Variants in NEB observed in about 807,000 individuals in gnomAD.
The protein encoded by NEB is nemaline myopathy type 2.
In NEB, 512 loss-of-function variants were observed where a neutral mutation model predicts 952.2. That is an observed-to-expected ratio of 0.54 (90% CI 0.50 to 0.58). The LOEUF is 0.58. Among genes scored for constraint, NEB ranks in the 20% least tolerant of loss-of-function variants. The probability of loss-of-function intolerance (pLI) is 0.00; values close to 1 mark genes in which losing one functional copy is unlikely to be tolerated. For synonymous variants in NEB, 2,900 were observed against 3,149.8 expected, an observed-to-expected ratio of 0.92 and a Z score of 2.66; for missense variants, 8,428 against 9,231.1, an observed-to-expected ratio of 0.91 and a Z score of 3.56.
intron 156 of NEB, 137 bp downstream of exon 156, chr2:151,518,181 C>A: frequency 1.4e-6 from 1 of 706,450 alleles, no homozygotes. Flanking sequence ...GAATTTGTTT[C>A]AAAAAGTTAC....
rs77385846 is a variant in NEB at position 151,695,965 on chromosome 2, G to A, written c.1570-283C>T. ...CCCTGCAGGTTCTGAGAGGGGCCCCGCCCTGTCTCTCTTGTCACTGTCAGT... is the reference window on the plus strand; with the variant it reads ...CCCTGCAGGTTCTGAGAGGGGCCCCACCCTGTCTCTCTTGTCACTGTCAGT... On this transcript the variant is annotated intron_variant, in intron 17 of 181. Coordinates refer to ENST00000397345, the MANE Select transcript of NEB (RefSeq NM_001164508.2). Among the ~76,000 whole-genome samples, 47 of 152,266 alleles carry A rather than the reference G, an allele frequency of 3.1e-4. No homozygotes were observed. In the East Asian group the frequency reaches 4.6e-3, roughly 15 times the overall value.
chr2:151,571,553 CT>C (rs1395985151), intron 107 of NEB, among the ~76,000 whole-genome samples: 1 of 151,368 alleles, frequency 6.6e-6, no homozygotes, highest in African/African-American at 2.4e-5. Flanking sequence ...TTCAATATGG[CT>C]TTTTTGATCT....
intron 135 of NEB, among the ~76,000 whole-genome samples, chr2:151,542,783 A>C (rs1011551241): frequency 6.6e-6 from 1 of 152,172 alleles, no homozygotes; most frequent in African/African-American, 2.4e-5. Context: ...ATATTTTCTT[A>C]ATGCTCAAAT....
At chr2:151,623,364 T>A (rs537127403) in intron 71 of NEB, among the ~76,000 whole-genome samples, 4 of 152,276 alleles carry the variant, frequency 2.6e-5, no homozygotes, top group African/African-American at 9.6e-5. Context: ...CTCTACTTTA[T>A]ACTGTTCAGT....
intron 54 of NEB, among the ~76,000 whole-genome samples, chr2:151,648,766 G>C (rs975503789): frequency 6.6e-6 from 1 of 152,194 alleles, no homozygotes; most frequent in Non-Finnish European, 1.5e-5. Flanking sequence ...AATTGCTTCT[G>C]GTTGAAAGTC....
chr2:151,654,775 G>A (rs1209757933), intron 51 of NEB, among the ~76,000 whole-genome samples: 1 of 152,154 alleles, frequency 6.6e-6, no homozygotes, highest in Non-Finnish European at 1.5e-5. Flanking sequence ...AGGTAATTGA[G>A]TTACCCAGTA....
chr2:151,535,911 T>C, intron 141 of NEB, 116 bp from the exon 142 acceptor site: 1 of 624,592 alleles, frequency 1.6e-6, no homozygotes, highest in Non-Finnish European at 2.7e-6. Context: ...TAACACATAT[T>C]CGTTTGTTTG....
intron 107 of NEB, among the ~76,000 whole-genome samples, chr2:151,573,601 A>G (rs188977183): frequency 6.6e-6 from 1 of 152,352 alleles, no homozygotes; most frequent in East Asian, 1.9e-4. Flanking sequence ...TTATACCAGA[A>G]CTTATAGAGC....
intron 54 of NEB, among the ~76,000 whole-genome samples, chr2:151,646,968 T>C (rs192691122): frequency 2.0e-5 from 3 of 151,884 alleles, no homozygotes; most frequent in Admixed American, 1.3e-4. Context: ...TGCCTCATAA[T>C]CATTGTGAAG....
chr2:151,546,256 A>G, intron 134 of NEB, 89 bp downstream of exon 134: 1 of 1,029,788 alleles, frequency 9.7e-7, no homozygotes, highest in Non-Finnish European at 1.5e-6. Context: ...GCTGCAGGCT[A>G]AGATCCCTTC....
intron 159 of NEB, 144 bp from the exon 160 acceptor site, chr2:151,513,837 C>T (rs370002963): frequency 2.3e-4 from 148 of 651,616 alleles, no homozygotes; most frequent in Non-Finnish European, 3.7e-4. Flanking sequence ...TTCGCTCTTC[C>T]GTGTGGTAGG....
intron 71 of NEB, among the ~76,000 whole-genome samples, chr2:151,622,027 T>G (rs929088143): frequency 2.0e-5 from 3 of 152,184 alleles, no homozygotes; most frequent in Non-Finnish European, 2.9e-5. Context: ...TTTTTTGTTT[T>G]TTGAGACAGT....
chr2:151,543,038 A>ACT (rs2094270491), intron 135 of NEB, among the ~76,000 whole-genome samples: 1 of 151,824 alleles, frequency 6.6e-6, no homozygotes. Flanking sequence ...TGCCTGGAAA[A>ACT]CTCCAAGAGT....
At position 151,496,862 on chromosome 2, in the gene NEB, G is replaced by T. The variant is rs140954520; in HGVS notation, c.24393+79C>A. 496 of 1,408,352 alleles carry T rather than the reference G, an allele frequency of 3.5e-4. 1 individual carries two copies. The African/African-American group carries it at 6.7e-3, about 19-fold the overall frequency. 87.2% of individuals were successfully genotyped at this position (1,408,352 alleles called of 1,614,324 possible). ...TCACAAAATTTGTCTTTAGAAAATA[G>T]GATTAATATGTATTATTTTAAATCA... On this transcript the variant is annotated intron_variant, in intron 172 of 181. Coordinates refer to ENST00000397345, the MANE Select transcript of NEB (RefSeq NM_001164508.2).
chr2:151,537,084 C>G, intron 141 of NEB, 48 bp downstream of exon 141: 1 of 1,142,196 alleles, frequency 8.8e-7, no homozygotes, highest in Non-Finnish European at 1.3e-6. Context: ...TCTCTGGGTA[C>G]AGGTATATGT....
intron 20 of NEB, among the ~76,000 whole-genome samples, chr2:151,694,086 C>T (rs1005403550): frequency 1.1e-4 from 17 of 152,134 alleles, no homozygotes; most frequent in Non-Finnish European, 2.2e-4. Context: ...TATTTTTCCT[C>T]CTAATAAAAC....
At position 151,505,462 on chromosome 2, in the gene NEB, A is replaced by G. The variant is rs762102017; in HGVS notation, c.23742+16T>C. On this transcript the variant is annotated intron_variant, in intron 165 of 181. Coordinates refer to ENST00000397345, the MANE Select transcript of NEB (RefSeq NM_001164508.2). ...TGGCCAGTCACACAAATGGAAGCTG[A>G]GAGTATGGCCACTACCGAGCTAATG... 1 of 1,605,692 alleles carries G rather than the reference A, an allele frequency of 6.2e-7. No homozygotes were observed. Among genetic ancestry groups the G allele is most frequent in the Non-Finnish European group, 8.5e-7 (1 of 1,172,690 alleles).
intron 141 of NEB, 124 bp downstream of exon 141, chr2:151,537,008 A>G (rs1428311577): frequency 1.9e-6 from 1 of 537,986 alleles, no homozygotes; most frequent in Non-Finnish European, 3.3e-6. Flanking sequence ...GTATGTACTC[A>G]GACTATAAGG....
At chr2:151,524,462 C>T (rs1269200015) in intron 152 of NEB, 47 bp from the exon 153 acceptor site, 1 of 1,609,676 alleles carries the variant, frequency 6.2e-7, no homozygotes, top group African/African-American at 1.3e-5. Context: ...GGTTGCCTGG[C>T]ATGCCTTGGC....
Sources: allele counts gnomAD v4.1 joint callset (sites outside exome capture counted in the v4.1 genomes callset), GRCh38; gene constraint gnomAD v4.1.1; transcripts MANE v1.5; gene names NCBI Gene and HGNC (gene_info 2026-07-23, HGNC 2026-07-21).